DMBX1: variants seen among roughly 807,000 people sequenced by gnomAD.
The protein encoded by DMBX1 is diencephalon/mesencephalon homeobox 1.
A neutral mutation model predicts 30.4 loss-of-function variants in DMBX1; 7 were observed. The observed-to-expected ratio is 0.23, with a 90% CI of 0.13 to 0.43. DMBX1 has a LOEUF of 0.43. Among genes scored for constraint, DMBX1 ranks in the 20% least tolerant of loss-of-function variants. The pLI, the probability that DMBX1 is intolerant of heterozygous loss-of-function variation, is 1.00. For missense variants in DMBX1, 460 were observed against 508.5 expected, an observed-to-expected ratio of 0.90 and a Z score of 0.92; for synonymous variants, 222 against 214.2, an observed-to-expected ratio of 1.04 and a Z score of -0.32.
rs774363974 is a variant in DMBX1 at position 46,512,372 on chromosome 1, C to A, written c.1012C>A (p.Pro338Thr). 1.2e-6 allele frequency: 2 copies of A among 1,614,008 alleles called. No individual in the cohort carries two copies. The highest frequency in any genetic ancestry group is 2.7e-5 in the African/African-American group (2 of 75,018). Residue 338 changes from proline (P) to threonine (T), a missense_variant, in exon 6 of 6, where the codon CCC becomes ACC. By Grantham distance (38) the Pro-to-Thr change is conservative. Around this residue, in one of 3 missense-constraint regions of DMBX1, gnomAD observed 334 missense variants for 345.1 expected, o/e 0.97. Transcript: ENST00000360032. This position sits in a 1 kb window ranked among gnomAD's most constrained non-coding sequence, Gnocchi z 4.8. ...GVWGSPLLPA[P>T]PAGLAPASAT... ...GTGGGGGTCTCCTCTGCTGCCTGCA[C>A]CCCCAGCAGGCCTGGCTCCTGCATC...
chr1:46,507,233 A>G, intron 3 of DMBX1, 69 bp downstream of exon 3: 1 of 1,579,196 alleles, frequency 6.3e-7, no homozygotes, highest in Non-Finnish European at 8.6e-7. Context: ...TCTGGAAGGC[A>G]AAGAGGAGAG....
chr1:46,506,537 A>C (rs1666239204), intron 2 of DMBX1, among the ~76,000 whole-genome samples: 1 of 152,360 alleles, frequency 6.6e-6, no homozygotes, highest in African/African-American at 2.4e-5. Flanking sequence ...TAAAGCAGCA[A>C]ATGAATTTGT....
At position 46,510,681 on chromosome 1, in the gene DMBX1, C is replaced by T; in HGVS notation, c.333+27C>T. On this transcript the variant is annotated intron_variant, in intron 4 of 5. Transcript: ENST00000360032. The surrounding 1 kb of genome is among the most constrained non-coding windows in gnomAD (Gnocchi z 4.1). ...TAGGGCCCAACTCTCCTAACTAGGC[C>T]TTGCAGACAAACACCAGCCCATCAG... The T allele has an allele frequency of 6.2e-7, 1 of 1,603,394 alleles. No homozygotes were observed. The highest frequency in any genetic ancestry group is 8.5e-7 in the Non-Finnish European group (1 of 1,174,130).
intron 3 of DMBX1, among the ~76,000 whole-genome samples, chr1:46,508,072 G>A (rs1666274827): frequency 6.6e-6 from 1 of 151,960 alleles, no homozygotes; most frequent in Non-Finnish European, 1.5e-5. Context: ...TCAGTGGCAT[G>A]GATGGGGAGT....
At chr1:46,494,335 G>A (rs1016993771) in intron 2 of DMBX1, among the ~76,000 whole-genome samples, 4 of 152,130 alleles carry the variant, frequency 2.6e-5, no homozygotes, top group Non-Finnish European at 4.4e-5. Flanking sequence ...AACTCCAGCC[G>A]CCTGATTTCT....
intron 2 of DMBX1, among the ~76,000 whole-genome samples, chr1:46,497,494 G>T (rs1375717696): frequency 6.6e-6 from 1 of 152,200 alleles, no homozygotes; most frequent in South Asian, 2.1e-4. Flanking sequence ...GAATGGGAAT[G>T]AGAAGAAACA....
intron 2 of DMBX1, among the ~76,000 whole-genome samples, chr1:46,499,861 G>A (rs1421830160): frequency 6.6e-6 from 1 of 152,162 alleles, no homozygotes; most frequent in Admixed American, 6.5e-5. Flanking sequence ...TGCTGAGTGT[G>A]GTATCTGGCA....
At chr1:46,504,932 T>G in intron 2 of DMBX1, among the ~76,000 whole-genome samples, 1 of 152,038 alleles carries the variant, frequency 6.6e-6, no homozygotes, top group East Asian at 1.9e-4. Context: ...GTCCTTCACA[T>G]CCCTTGTAAG....
At position 46,512,304 on chromosome 1, in the gene DMBX1, A is replaced by C; in HGVS notation, c.944A>C (p.Tyr315Ser). ...CTGGGCTCACTGCACTGCCAGTCCT[A>C]CTACCAGTCCCTGTCAGCAGCCGCT... is the stretch of plus-strand genomic sequence containing the variant. ...APLGSLHCQS[Y>S]YQSLSAAAAA... is the part of the protein sequence containing the mutation. The change falls in exon 6 of 6, where the codon TAC (tyrosine) becomes TCC (serine). Residue 315 changes from tyrosine (Y) to serine (S), a missense_variant. Coordinates refer to ENST00000360032, the MANE Select transcript of DMBX1 (RefSeq NM_172225.2). This position sits in a 1 kb window ranked among gnomAD's most constrained non-coding sequence, Gnocchi z 4.8. 2 of 1,613,464 alleles carry C rather than the reference A, an allele frequency of 1.2e-6. No individual in the cohort carries two copies. The highest frequency in any genetic ancestry group is 1.7e-6 in the Non-Finnish European group (2 of 1,179,864).
At chr1:46,495,615 G>C (rs575130430) in intron 2 of DMBX1, among the ~76,000 whole-genome samples, 20 of 152,322 alleles carry the variant, frequency 1.3e-4, no homozygotes, top group African/African-American at 4.6e-4. Context: ...CTACAATTTG[G>C]TAAGGATAGG....
chr1:46,492,679 C>T (rs528841370), intron 2 of DMBX1, among the ~76,000 whole-genome samples: 2 of 152,248 alleles, frequency 1.3e-5, no homozygotes, highest in African/African-American at 2.4e-5. Flanking sequence ...CACACAGACA[C>T]ACATACAGAG....
Position 46,510,814 on chromosome 1 carries a change from G to A in DMBX1, c.334-121G>A, listed in dbSNP as rs1666351107. 2 of 1,337,660 alleles carry A rather than the reference G, an allele frequency of 1.5e-6. No individual in the cohort carries two copies. The highest frequency in any genetic ancestry group is 2.0e-6 in the Non-Finnish European group (2 of 990,028). The allele number at this position is 1,337,660 out of a possible 1,614,324, so 82.9% of individuals were successfully genotyped here. A position where few individuals can be genotyped will look rare whatever the true frequency, so the allele number is the denominator to read the frequency against. On this transcript the variant is annotated intron_variant, in intron 4 of 5. Transcript: ENST00000360032. The surrounding 1 kb of genome is among the most constrained non-coding windows in gnomAD (Gnocchi z 4.1). ...AGGGGAGTTTGGGAAGGGACAGAGG[G>A]TGTGCATTCCCTAGAGGGGTGGGGG... is the stretch of plus-strand genomic sequence containing the variant.
Position 46,493,824 on chromosome 1 carries a change from C to T in DMBX1, c.-13+3041C>T, listed in dbSNP as rs1665978384. ...GCGCTTTCTGCGCCCGCAGGACAGA[C>T]CCTCCTCCGAGTTCCTCCAGCCGTT... On this transcript the variant is annotated intron_variant, in intron 2 of 5. Coordinates refer to ENST00000360032, the MANE Select transcript of DMBX1 (RefSeq NM_172225.2). The surrounding 1 kb of genome is among the most constrained non-coding windows in gnomAD (Gnocchi z 4.1). 6.6e-6 allele frequency among the ~76,000 whole-genome samples: 1 copy of T among 152,270 alleles called. No homozygotes were observed. Among genetic ancestry groups the T allele is most frequent in the Admixed American group, 6.5e-5 (1 of 15,290 alleles).
intron 3 of DMBX1, among the ~76,000 whole-genome samples, chr1:46,509,727 CCTT>C (rs1159560473): frequency 6.6e-6 from 1 of 152,202 alleles, no homozygotes; most frequent in African/African-American, 2.4e-5. Flanking sequence ...GTCTCTTTGT[CCTT>C]CTGTTCTTGG....
In DMBX1 at chr1:46,513,782, A is replaced by G. The variant is rs1160905137; in HGVS notation, c.*1288A>G. On this transcript the variant is annotated 3_prime_UTR_variant, in exon 6 of 6. Transcript: ENST00000360032. Reference sequence around the variant, plus strand: ...CCTGAGCACGGTGCGTGCAAAGCATATAGCAGCACATAGGCTCAGGCTTCT... The same window carrying G: ...CCTGAGCACGGTGCGTGCAAAGCATGTAGCAGCACATAGGCTCAGGCTTCT... 1.3e-5 allele frequency: 2 copies of G among 152,296 alleles called. No homozygotes were observed. Among genetic ancestry groups the G allele is most frequent in the East Asian group, 1.9e-4 (1 of 5,204 alleles). The allele number at this position is 152,296 out of a possible 1,614,324, so 9.4% of individuals were successfully genotyped here. A position where few individuals can be genotyped will look rare whatever the true frequency, so the allele number is the denominator to read the frequency against.
At chr1:46,494,101 T>C (rs1172771557) in intron 2 of DMBX1, among the ~76,000 whole-genome samples, 1 of 152,244 alleles carries the variant, frequency 6.6e-6, no homozygotes, top group African/African-American at 2.4e-5. Context: ...TCCAGTGTGC[T>C]AGCTGTATCT....
chr1:46,510,101 C>T lies in DMBX1; in HGVS notation c.155-375C>T, dbSNP rs6683116. On this transcript the variant is annotated intron_variant, in intron 3 of 5. Coordinates refer to ENST00000360032, the MANE Select transcript of DMBX1 (RefSeq NM_172225.2). The surrounding 1 kb of genome is among the most constrained non-coding windows in gnomAD (Gnocchi z 4.1). ...TAAGGGCTATAGGGTCTTAGAACTC[C>T]TGTGATATGGACTTACAGATTATTA... 0.31 allele frequency among the ~76,000 whole-genome samples: 47,241 copies of T among 152,034 alleles called. 9,545 individuals are homozygous for T. Among genetic ancestry groups the T allele is most frequent in the African/African-American group, 0.58 (23,998 of 41,410 alleles).
At chr1:46,502,510 T>C (rs1666157023) in intron 2 of DMBX1, among the ~76,000 whole-genome samples, 1 of 152,228 alleles carries the variant, frequency 6.6e-6, no homozygotes, top group South Asian at 2.1e-4. Context: ...ACTTCTGCAG[T>C]GTCCTAGTGG....
Position 46,510,930 on chromosome 1 carries a change from C to T in DMBX1, c.334-5C>T, listed in dbSNP as rs1449486391. ...CACCTCGGACTGCTCCTTTCCCGTC[C>T]CCAGGTGTGGTTCAAGAACCGCCGG... On this transcript the variant is annotated splice_polypyrimidine_tract_variant and splice_region_variant and intron_variant, in intron 4 of 5. Transcript: ENST00000360032. The surrounding 1 kb of genome is among the most constrained non-coding windows in gnomAD (Gnocchi z 4.1). The T allele has an allele frequency of 1.9e-6, 3 of 1,595,286 alleles. No individual in the cohort carries two copies. The highest frequency in any genetic ancestry group is 2.6e-6 in the Non-Finnish European group (3 of 1,169,944).
Sources: allele counts gnomAD v4.1 joint callset (sites outside exome capture counted in the v4.1 genomes callset), GRCh38; gene constraint gnomAD v4.1.1; regional missense constraint gnomAD v4.1.1; non-coding constraint Gnocchi (gnomAD v3.1); transcripts MANE v1.5; gene names NCBI Gene and HGNC (gene_info 2026-07-23, HGNC 2026-07-21).